Variants in FBXL19 observed in about 807,000 individuals in gnomAD.
The protein encoded by FBXL19 is F-box and leucine rich repeat protein 19.
Under a neutral mutation model 71.2 loss-of-function variants are expected in FBXL19, and 16 were observed. The observed-to-expected ratio is 0.22, with a 90% CI of 0.15 to 0.34. The LOEUF (loss-of-function observed/expected upper bound fraction) is 0.34, where lower values mean the gene tolerates loss of function less well. FBXL19 is among the 10% of genes least tolerant of loss of function. FBXL19 has a pLI of 1.00. For synonymous variants in FBXL19, 447 were observed against 409.4 expected, an observed-to-expected ratio of 1.09 and a Z score of -1.11; for missense variants, 658 against 968.2, an observed-to-expected ratio of 0.68 and a Z score of 4.25.
At chr16:30,944,814 G>T in intron 9 of FBXL19, among the ~76,000 whole-genome samples, 1 of 152,176 alleles carries the variant, frequency 6.6e-6, no homozygotes, top group East Asian at 1.9e-4. Context: ...ATCTGTAAAG[G>T]TATCCCCTCT....
Position 30,942,406 on chromosome 16 carries a change from C to T in FBXL19, c.1497C>T (p.Ser499=). ...AGGAGCTGGTGCTCTCTGGCTGCTC[C>T]TGGCTCTCTGTCTCTGCCCTGGGCT... ...GLQELVLSGC[S]WLSVSALGSA... is the part of the protein sequence containing the mutation. Residue 499 remains serine (S), a synonymous_variant, in exon 9 of 11, where the codon TCC becomes TCT. Transcript: ENST00000338343. This position sits in a 1 kb window ranked among gnomAD's most constrained non-coding sequence, Gnocchi z 5.7. 2 of 1,610,124 alleles carry T rather than the reference C, an allele frequency of 1.2e-6. No homozygotes were observed. Among genetic ancestry groups the T allele is most frequent in the East Asian group, 2.2e-5 (1 of 44,748 alleles).
rs1165257969 is a variant in FBXL19, at chr16:30,946,620, G to A, written c.1628-110G>A. ...TTTTGAGAAGAGCAAGCCACAGAGT[G>A]CACCAGGTCACTCACTTATGTGGGA... On this transcript the variant is annotated intron_variant, in intron 9 of 10. Coordinates refer to ENST00000338343, the MANE Select transcript of FBXL19 (RefSeq NM_001382779.1). The surrounding 1 kb of genome is among the most constrained non-coding windows in gnomAD (Gnocchi z 6.7). 4 of 1,035,120 alleles carry A rather than the reference G, an allele frequency of 3.9e-6. No homozygotes were observed. Among genetic ancestry groups the A allele is most frequent in the African/African-American group, 1.6e-5 (1 of 63,574 alleles). The allele number at this position is 1,035,120 out of a possible 1,614,324, so 64.1% of individuals were successfully genotyped here.
intron 1 of FBXL19, chr16:30,924,680 G>A (rs1596648526): frequency 2.1e-6 from 3 of 1,439,756 alleles, no homozygotes; most frequent in Admixed American, 3.4e-5. Flanking sequence ...GCCTGCAGTC[G>A]CCGCCCTCCA....
Position 30,924,735 on chromosome 16 carries a change from G to A in FBXL19, c.-25+276G>A, listed in dbSNP as rs1440265851. On this transcript the variant is annotated intron_variant, in intron 1 of 10. Coordinates refer to ENST00000338343, the MANE Select transcript of FBXL19 (RefSeq NM_001382779.1). ...TGGAGGGCCCCTTAGCCCCATGGAT[G>A]GGTATGAAAGTCCCCGGAAAGGGGG... 4.0e-6 allele frequency: 6 copies of A among 1,496,514 alleles called. No homozygotes were observed. Among genetic ancestry groups the A allele is most frequent in the Non-Finnish European group, 4.4e-6 (5 of 1,131,654 alleles). The allele number at this position is 1,496,514 out of a possible 1,614,324, so 92.7% of individuals were successfully genotyped here. A position where few individuals can be genotyped will look rare whatever the true frequency, so the allele number is the denominator to read the frequency against.
chr16:30,948,046 A>T lies in FBXL19; in HGVS notation c.*816A>T, dbSNP rs1194398139. The T allele has an allele frequency of 3.5e-6, 1 of 282,302 alleles. No homozygotes were observed. Among genetic ancestry groups the T allele is most frequent in the Non-Finnish European group, 7.2e-6 (1 of 139,536 alleles). 17.5% of individuals were successfully genotyped at this position (282,302 alleles called of 1,614,324 possible). A position where few individuals can be genotyped will look rare whatever the true frequency, so the allele number is the denominator to read the frequency against. On this transcript the variant is annotated 3_prime_UTR_variant, in exon 11 of 11. Coordinates refer to ENST00000338343, the MANE Select transcript of FBXL19 (RefSeq NM_001382779.1). ...CTGAAGTGTTACTTGAACCGGGGGAATCTCGGACCTGGGGGAGCCGGGGTG... is the reference window on the plus strand; with the variant it reads ...CTGAAGTGTTACTTGAACCGGGGGATTCTCGGACCTGGGGGAGCCGGGGTG...
rs1339516613 is a variant in FBXL19, at chr16:30,927,418, C to G, written c.288C>G (p.Ile96Met). The change falls in exon 3 of 11, where the codon ATC becomes ATG. Residue 96 changes from isoleucine (I) to methionine (M), a missense_variant. By Grantham distance (10) the Ile-to-Met change is conservative (BLOSUM62 1). Around this residue, in one of 8 missense-constraint regions of FBXL19, gnomAD observed 447 missense variants for 515.4 expected, o/e 0.87. Transcript: ENST00000338343. The part of the protein sequence containing the change: ...KFGLSLMECT[I>M]CNEIVHPGCL... The stretch of plus-strand genomic sequence containing the variant: ...GTTTGAGCCTCATGGAGTGTACAAT[C>G]TGCAACGAGATCGTCCACCCCGGCT... 1 of 1,593,704 alleles carries G rather than the reference C, an allele frequency of 6.3e-7. No homozygotes were observed. Among genetic ancestry groups the G allele is most frequent in the Non-Finnish European group, 8.5e-7 (1 of 1,170,098 alleles).
chr16:30,923,248 G>A (rs1224631741), upstream of FBXL19: 1 of 455,300 alleles, frequency 2.2e-6, no homozygotes, highest in Admixed American at 2.4e-5. Flanking sequence ...TGTAGTCATC[G>A]TTCCCTCTCC....
chr16:30,930,033 T>C lies in FBXL19; in HGVS notation c.790-40T>C. ...CGGGGTAGGGGGGTGGGAAAATGTA[T>C]CCCAGGCCCTAGAACAGCATCAACC... On this transcript the variant is annotated intron_variant, in intron 6 of 10. Transcript: ENST00000338343. The surrounding 1 kb of genome is among the most constrained non-coding windows in gnomAD (Gnocchi z 8.5). 1 of 1,579,796 alleles carries C rather than the reference T, an allele frequency of 6.3e-7. No homozygotes were observed.
At position 30,946,513 on chromosome 16, in the gene FBXL19, T is replaced by C. The variant is rs1345020157; in HGVS notation, c.1628-217T>C. On this transcript the variant is annotated intron_variant, in intron 9 of 10. Transcript: ENST00000338343. The surrounding 1 kb of genome is among the most constrained non-coding windows in gnomAD (Gnocchi z 6.7). ...AGCCACCACGCCTGGCAGAATATTGTAGTCTCAAATACAATAATCATGGAA... is the reference window on the plus strand; with the variant it reads ...AGCCACCACGCCTGGCAGAATATTGCAGTCTCAAATACAATAATCATGGAA... Among the ~76,000 whole-genome samples the C allele has an allele frequency of 6.6e-6, 1 of 152,160 alleles. No homozygotes were observed. Among genetic ancestry groups the C allele is most frequent in the Non-Finnish European group, 1.5e-5 (1 of 68,030 alleles).
intron 9 of FBXL19, among the ~76,000 whole-genome samples, chr16:30,945,858 A>G (rs2055853207): frequency 1.1e-5 from 1 of 93,116 alleles, no homozygotes; most frequent in African/African-American, 3.1e-5. Flanking sequence ...GGAAAAAAAA[A>G]AAAAAAAAAA....
chr16:30,932,236 C>T (rs547946715), intron 7 of FBXL19, among the ~76,000 whole-genome samples: 2 of 152,310 alleles, frequency 1.3e-5, no homozygotes, highest in South Asian at 4.1e-4. Flanking sequence ...TACTTAGTTG[C>T]AAATAGTTGC....
intron 7 of FBXL19, among the ~76,000 whole-genome samples, chr16:30,935,650 G>C (rs2055723961): frequency 6.6e-6 from 1 of 152,140 alleles, no homozygotes; most frequent in Non-Finnish European, 1.5e-5. Context: ...AGCTACAAGA[G>C]GTCGGAACTG....
rs1366990318 is a variant in FBXL19 at position 30,946,960 on chromosome 16, C to T, written c.1846+12C>T. 6.3e-7 allele frequency: 1 copy of T among 1,598,254 alleles called. No individual in the cohort carries two copies. The highest frequency in any genetic ancestry group is 8.5e-7 in the Non-Finnish European group (1 of 1,173,370). The stretch of plus-strand genomic sequence containing the variant: ...CCTCAATCTTGCTGGTAAGCACGGT[C>T]CCCCATCCGTCCTGCCAGCCTGTGG... On this transcript the variant is annotated intron_variant, in intron 10 of 10. Transcript: ENST00000338343. The surrounding 1 kb of genome is among the most constrained non-coding windows in gnomAD (Gnocchi z 6.7).
Position 30,946,989 on chromosome 16 carries a change from C to G in FBXL19, c.1846+41C>G. 4 of 1,580,962 alleles carry G rather than the reference C, an allele frequency of 2.5e-6. No homozygotes were observed. Among genetic ancestry groups the G allele is most frequent in the Non-Finnish European group, 3.4e-6 (4 of 1,164,530 alleles). On this transcript the variant is annotated intron_variant, in intron 10 of 10. Transcript: ENST00000338343. This position sits in a 1 kb window ranked among gnomAD's most constrained non-coding sequence, Gnocchi z 6.7. ...CATCCGTCCTGCCAGCCTGTGGATC[C>G]CCACGGCCAGTGCCAACCCCTTGCT...
At chr16:30,931,350 T>G (rs1193452844) in intron 7 of FBXL19, among the ~76,000 whole-genome samples, 1 of 152,182 alleles carries the variant, frequency 6.6e-6, no homozygotes, top group Non-Finnish European at 1.5e-5. Flanking sequence ...TTCCCATCAG[T>G]TGCTGGGGTG....
chr16:30,938,821 A>G (rs886440536), intron 7 of FBXL19, among the ~76,000 whole-genome samples: 1 of 151,580 alleles, frequency 6.6e-6, no homozygotes, highest in African/African-American at 2.4e-5. Flanking sequence ...TATTTTTAGC[A>G]GATACGAGGT....
Position 30,945,033 on chromosome 16 carries a change from A to G in FBXL19, c.1628-1697A>G, listed in dbSNP as rs563591122. Among the ~76,000 whole-genome samples the G allele has an allele frequency of 2.7e-4, 41 of 152,342 alleles. 1 individual carries two copies. The highest frequency in any genetic ancestry group is 1.0e-3 in the Admixed American group (16 of 15,286). The stretch of plus-strand genomic sequence containing the variant: ...GCCACATCTTACGATTCTTCAAGGA[A>G]AAGCTCAGTATGTAAATTTATTTAT... On this transcript the variant is annotated intron_variant, in intron 9 of 10. Coordinates refer to ENST00000338343, the MANE Select transcript of FBXL19 (RefSeq NM_001382779.1).
Position 30,928,504 on chromosome 16 carries a change from G to A in FBXL19, c.665G>A (p.Gly222Asp). ...GGRERHLKKV[G>D]GDACLLRGSD... ...CGAGAGAGGCACCTGAAGAAGGTGG[G>A]TGGAGACGCCTGCCTCCTCCGAGGA... Residue 222 changes from glycine to aspartate, a missense_variant, in exon 6 of 11, where the codon GGT becomes GAT. By Grantham distance (94) the Gly-to-Asp change is moderately conservative. This residue lies in a region of FBXL19 where 447 missense variants were observed against 515.4 expected (regional missense o/e 0.87). Coordinates refer to ENST00000338343, the MANE Select transcript of FBXL19 (RefSeq NM_001382779.1). 1.2e-6 allele frequency: 2 copies of A among 1,603,314 alleles called. No homozygotes were observed. The highest frequency in any genetic ancestry group is 2.3e-5 in the East Asian group (1 of 43,700).
At chr16:30,940,483 G>A (rs754470485) in intron 7 of FBXL19, among the ~76,000 whole-genome samples, 2 of 151,882 alleles carry the variant, frequency 1.3e-5, no homozygotes, top group Non-Finnish European at 2.9e-5. Context: ...AGTCTCAGAG[G>A]CATTTCTGGA....
Sources: allele counts gnomAD v4.1 joint callset (sites outside exome capture counted in the v4.1 genomes callset), GRCh38; gene constraint gnomAD v4.1.1; regional missense constraint gnomAD v4.1.1; non-coding constraint Gnocchi (gnomAD v3.1); transcripts MANE v1.5; gene names NCBI Gene and HGNC (gene_info 2026-07-23, HGNC 2026-07-21).